The following MAGI3 variants were observed in gnomAD, a reference collection of about 807,000 sequenced individuals.
MAGI3 encodes the protein membrane associated guanylate kinase, WW and PDZ domain containing 3, also known as membrane-associated guanylate kinase, WW and PDZ domain-containing protein 3.
MAGI3 carries 43 observed loss-of-function variants against 121.8 expected under a neutral mutation model. The observed-to-expected ratio is 0.35, with a 90% CI of 0.28 to 0.46. The LOEUF (loss-of-function observed/expected upper bound fraction) is 0.46, where lower values mean the gene tolerates loss of function less well. MAGI3 is among the 20% of genes least tolerant of loss of function. The pLI, the probability that MAGI3 is intolerant of heterozygous loss-of-function variation, is 1.00. For synonymous variants in MAGI3, 553 were observed against 639.3 expected, an observed-to-expected ratio of 0.86 and a Z score of 2.04; for missense variants, 1,547 against 1,797.3, an observed-to-expected ratio of 0.86 and a Z score of 2.52.
At chr1:113,393,471 T>G (rs1168158590) in intron 1 of MAGI3, among the ~76,000 whole-genome samples, 2 of 152,216 alleles carry the variant, frequency 1.3e-5, no homozygotes, top group African/African-American at 4.8e-5. Context: ...AAGCAGGTTG[T>G]AATTTAAAAT....
intron 9 of MAGI3, among the ~76,000 whole-genome samples, chr1:113,639,547 G>A (rs182959022): frequency 4.2e-4 from 64 of 151,740 alleles, no homozygotes; most frequent in East Asian, 1.4e-3. Context: ...GATTACAGGC[G>A]CACGCCACCA....
At chr1:113,406,191 G>A in intron 1 of MAGI3, among the ~76,000 whole-genome samples, 1 of 150,662 alleles carries the variant, frequency 6.6e-6, no homozygotes. Flanking sequence ...GTAAATCCCA[G>A]CACTTTGGGA....
At chr1:113,408,686 C>T (rs1651815900) in intron 1 of MAGI3, among the ~76,000 whole-genome samples, 2 of 151,974 alleles carry the variant, frequency 1.3e-5, no homozygotes, top group South Asian at 2.1e-4. Context: ...TATGTTCTTT[C>T]CTTGAAGTGG....
At chr1:113,634,667 A>C (rs1388578515) in intron 9 of MAGI3, among the ~76,000 whole-genome samples, 5 of 152,240 alleles carry the variant, frequency 3.3e-5, no homozygotes, top group Admixed American at 6.5e-5. Context: ...CAGGTAGTGT[A>C]ATGCCTCCAG....
rs1411401366 is a variant in MAGI3 at position 113,659,249 on chromosome 1, G to A, written c.2799G>A (p.Thr933=). 6 of 1,613,488 alleles carry A rather than the reference G, an allele frequency of 3.7e-6. No homozygotes were observed. Among genetic ancestry groups the A allele is most frequent in the African/African-American group, 2.7e-5 (2 of 74,890 alleles). ...IKDAGVTVTL[T]VIAEEEHHGP... ...ATGCTGGTGTCACCGTCACACTAACGGTCATTGCTGAAGAAGGTAAGGAGC... is the reference window on the plus strand; with the variant it reads ...ATGCTGGTGTCACCGTCACACTAACAGTCATTGCTGAAGAAGGTAAGGAGC... The change falls in exon 16 of 21, where the codon ACG becomes ACA. Residue 933 remains threonine, a synonymous_variant. Coordinates refer to ENST00000307546, the MANE Select transcript of MAGI3 (RefSeq NM_001142782.2).
chr1:113,575,502 C>T lies in MAGI3; in HGVS notation c.434-5040C>T, dbSNP rs572947989. Among the ~76,000 whole-genome samples the T allele has an allele frequency of 4.6e-5, 7 of 152,312 alleles. No individual in the cohort carries two copies. In the South Asian group the frequency reaches 8.3e-4, roughly 18 times the overall value. The stretch of plus-strand genomic sequence containing the variant: ...GAGGTCCACTCCAGACCCTGTTTGC[C>T]TGGTATCACCAGCAGAGGCTGCAGA... On this transcript the variant is annotated intron_variant, in intron 2 of 20. Coordinates refer to ENST00000307546, the MANE Select transcript of MAGI3 (RefSeq NM_001142782.2).
At chr1:113,598,148 G>T (rs1442612485) in intron 6 of MAGI3, among the ~76,000 whole-genome samples, 1 of 152,026 alleles carries the variant, frequency 6.6e-6, no homozygotes, top group Non-Finnish European at 1.5e-5. Flanking sequence ...GGAGGTGGAG[G>T]TTGCAGTTAG....
At chr1:113,416,402 T>TTAA (rs1652414747) in intron 1 of MAGI3, among the ~76,000 whole-genome samples, 1 of 87,336 alleles carries the variant, frequency 1.1e-5, no homozygotes, top group African/African-American at 3.9e-5. Context: ...TAATTATTAA[T>TTAA]TAATTAATAA....
At chr1:113,457,010 T>C (rs143005777) in intron 1 of MAGI3, among the ~76,000 whole-genome samples, 1 of 152,296 alleles carries the variant, frequency 6.6e-6, no homozygotes, top group African/African-American at 2.4e-5. Flanking sequence ...TTGGAATTAG[T>C]AAGAATAGGT....
chr1:113,492,431 T>G (rs1656714972), intron 1 of MAGI3, among the ~76,000 whole-genome samples: 2 of 152,196 alleles, frequency 1.3e-5, no homozygotes, highest in African/African-American at 4.8e-5. Context: ...GGGCAAAAGC[T>G]GGAAGCATTC....
chr1:113,475,881 A>G (rs1655792792), intron 1 of MAGI3, among the ~76,000 whole-genome samples: 1 of 152,128 alleles, frequency 6.6e-6, no homozygotes, highest in Admixed American at 6.5e-5. Flanking sequence ...TTGGTAGGCT[A>G]TTAATTTTTG....
chr1:113,634,520 G>C (rs1423208812), intron 9 of MAGI3, among the ~76,000 whole-genome samples: 1 of 152,268 alleles, frequency 6.6e-6, no homozygotes, highest in East Asian at 1.9e-4. Context: ...GTTTTTCTCA[G>C]GTTTGTCGAA....
At chr1:113,446,825 A>G (rs933141584) in intron 1 of MAGI3, among the ~76,000 whole-genome samples, 2 of 152,256 alleles carry the variant, frequency 1.3e-5, no homozygotes, top group Non-Finnish European at 2.9e-5. Flanking sequence ...CAGCAAGAGG[A>G]CACAACAATT....
chr1:113,601,961 C>G (rs1570927274), intron 6 of MAGI3, among the ~76,000 whole-genome samples: 1 of 151,526 alleles, frequency 6.6e-6, no homozygotes, highest in Non-Finnish European at 1.5e-5. Flanking sequence ...TCTCAGTAAA[C>G]TATCGCAAGA....
intron 1 of MAGI3, among the ~76,000 whole-genome samples, chr1:113,485,601 C>T (rs923229093): frequency 2.0e-5 from 3 of 152,168 alleles, no homozygotes; most frequent in African/African-American, 4.8e-5. Flanking sequence ...GACTTTCTCT[C>T]ACTCTGTGGG....
chr1:113,525,260 A>G (rs978041985), intron 1 of MAGI3, among the ~76,000 whole-genome samples: 3 of 151,916 alleles, frequency 2.0e-5, no homozygotes, highest in African/African-American at 7.3e-5. Context: ...TCCTTTTTTT[A>G]TTCTTTCTCT....
At chr1:113,663,120 G>T (rs1027721612) in intron 16 of MAGI3, among the ~76,000 whole-genome samples, 1 of 152,032 alleles carries the variant, frequency 6.6e-6, no homozygotes, top group Admixed American at 6.5e-5. Context: ...AGCTACTCGG[G>T]AGGCTGAGGC....
intron 2 of MAGI3, among the ~76,000 whole-genome samples, chr1:113,580,286 T>G (rs1647927863): frequency 6.6e-6 from 1 of 152,160 alleles, no homozygotes; most frequent in African/African-American, 2.4e-5. Context: ...TTTACATTTA[T>G]GCTAGAGATG....
intron 2 of MAGI3, 136 bp downstream of exon 2, chr1:113,549,767 T>C: frequency 2.0e-6 from 1 of 501,342 alleles, no homozygotes; most frequent in South Asian, 4.5e-5. Context: ...AAACAAAAAT[T>C]GGATAAGAAG....
Sources: allele counts gnomAD v4.1 joint callset (sites outside exome capture counted in the v4.1 genomes callset), GRCh38; gene constraint gnomAD v4.1.1; transcripts MANE v1.5; gene names NCBI Gene and HGNC (gene_info 2026-07-23, HGNC 2026-07-21).